FAM151B: variants seen among roughly 807,000 people sequenced by gnomAD.
FAM151B encodes protein FAM151B.
Under a neutral mutation model 31.2 loss-of-function variants are expected in FAM151B, and 24 were observed. That is an observed-to-expected ratio of 0.77 (90% confidence interval 0.56 to 1.08). The LOEUF (loss-of-function observed/expected upper bound fraction) is 1.08, where lower values mean the gene tolerates loss of function less well. FAM151B is among the 50% of genes least tolerant of loss of function. The probability of loss-of-function intolerance (pLI) is 0.00; values close to 1 mark genes in which losing one functional copy is unlikely to be tolerated. For missense variants in FAM151B, 293 were observed against 328.6 expected (o/e 0.89, Z 0.84); for synonymous variants, 105 against 111.4 (o/e 0.94, Z 0.36).
chr5:80,517,365 G>A lies in FAM151B; in HGVS notation c.318-2328G>A, dbSNP rs1744499948. Reference sequence around the variant, plus strand: ...TTGGAGGTCTTGGAACATATTCCCTGCAGATAAGGTGGACTACTGTAGATT... The same window carrying A: ...TTGGAGGTCTTGGAACATATTCCCTACAGATAAGGTGGACTACTGTAGATT... On this transcript the variant is annotated intron_variant, in intron 3 of 5. Transcript: ENST00000282226. 2.0e-5 allele frequency among the ~76,000 whole-genome samples: 3 copies of A among 152,166 alleles called. No homozygotes were observed. In the South Asian group the frequency reaches 6.2e-4, roughly 32 times the overall value.
At chr5:80,533,940 T>A (rs1745372054) in intron 5 of FAM151B, among the ~76,000 whole-genome samples, 1 of 151,988 alleles carries the variant, frequency 6.6e-6, no homozygotes, top group African/African-American at 2.4e-5. Context: ...CAATTGATAC[T>A]GTGGAAATCC....
chr5:80,542,135 T>A lies in FAM151B; in HGVS notation c.*303T>A. 1 of 267,174 alleles carries A rather than the reference T, an allele frequency of 3.7e-6. No individual in the cohort carries two copies. Among genetic ancestry groups the A allele is most frequent in the East Asian group, 9.6e-5 (1 of 10,434 alleles). The allele number at this position is 267,174 out of a possible 1,614,324, so 16.6% of individuals were successfully genotyped here. On this transcript the variant is annotated 3_prime_UTR_variant, in exon 6 of 6. Coordinates refer to ENST00000282226, the MANE Select transcript of FAM151B (RefSeq NM_205548.3). ...AACTAAAGATGATTGGCAGAATCCA[T>A]ATGTCATAAAACAGGTATAAATCAC... is the stretch of plus-strand genomic sequence containing the variant.
intron 5 of FAM151B, among the ~76,000 whole-genome samples, chr5:80,523,488 T>TG (rs770251532): frequency 1.3e-5 from 2 of 152,188 alleles, no homozygotes; most frequent in African/African-American, 2.4e-5. Flanking sequence ...GTCTTACTAA[T>TG]AGACGTTCAC....
At chr5:80,540,002 G>A (rs1745803703) in intron 5 of FAM151B, among the ~76,000 whole-genome samples, 1 of 152,020 alleles carries the variant, frequency 6.6e-6, no homozygotes. Flanking sequence ...GTACTCCAGA[G>A]GATACCGCCC....
intron 5 of FAM151B, among the ~76,000 whole-genome samples, chr5:80,535,922 A>G (rs970518490): frequency 2.6e-5 from 4 of 152,234 alleles, no homozygotes; most frequent in African/African-American, 9.6e-5. Flanking sequence ...TAAAATGGGC[A>G]AAAGATTTGA....
chr5:80,516,607 G>A (rs1215077908), intron 3 of FAM151B, among the ~76,000 whole-genome samples: 1 of 152,106 alleles, frequency 6.6e-6, no homozygotes, highest in Non-Finnish European at 1.5e-5. Flanking sequence ...ATACCACCAA[G>A]GAGCAATTTT....
In FAM151B at chr5:80,522,078, G is replaced by C; in HGVS notation, c.611G>C (p.Arg204Thr). 6.2e-7 allele frequency: 1 copy of C among 1,613,232 alleles called. No individual in the cohort carries two copies. Among genetic ancestry groups the C allele is most frequent in the Non-Finnish European group, 8.5e-7 (1 of 1,179,368 alleles). ...ELSQPVTFPV[R>T]AALVRQSCSQ... is the part of the protein sequence containing the mutation. Reference sequence around the variant, plus strand: ...AGTCAGCCTGTAACGTTCCCTGTCAGAGCAGCATTAGTCAGGCAGTCTTGT... The same window carrying C: ...AGTCAGCCTGTAACGTTCCCTGTCACAGCAGCATTAGTCAGGCAGTCTTGT... Residue 204 changes from arginine to threonine, a missense_variant, in exon 5 of 6, where the codon AGA becomes ACA. Transcript: ENST00000282226.
At chr5:80,495,084 G>A (rs753972079) in intron 1 of FAM151B, 5 of 152,264 alleles carry the variant, frequency 3.3e-5, no homozygotes, top group Non-Finnish European at 1.5e-5. Context: ...ATGACAGCAC[G>A]TCTGTTTACA....
At chr5:80,538,392 C>CTT (rs1175496086) in intron 5 of FAM151B, among the ~76,000 whole-genome samples, 3 of 49,298 alleles carry the variant, frequency 6.1e-5, no homozygotes, top group African/African-American at 3.3e-4. Context: ...TTCTTTCTTT[C>CTT]TTTCTTTCTT....
rs751982375 is a variant in FAM151B at position 80,491,365 on chromosome 5, AC to A, written c.25+3219del. Among the ~76,000 whole-genome samples, 9 of 152,054 alleles carry A rather than the reference AC, an allele frequency of 5.9e-5. No individual in the cohort carries two copies. The East Asian group carries it at 1.2e-3, about 20-fold the overall frequency. Reference sequence around the variant, plus strand: ...TGAATAGCAGGGACTACAGGCACACACCACCATGCCTGGGTTATTATTATTG... The same window carrying A: ...TGAATAGCAGGGACTACAGGCACACACACCATGCCTGGGTTATTATTATTG... On this transcript the variant is annotated intron_variant, in intron 1 of 5. Transcript: ENST00000282226.
At chr5:80,500,378 A>G (rs1477095566) in intron 1 of FAM151B, 8 of 1,224,702 alleles carry the variant, frequency 6.5e-6, no homozygotes, top group Non-Finnish European at 9.5e-6. Flanking sequence ...TGTGCCAGAA[A>G]CCCTTAAGAA....
intron 1 of FAM151B, among the ~76,000 whole-genome samples, chr5:80,499,669 A>G (rs11952983): frequency 0.06 from 9,113 of 151,866 alleles, 515 homozygotes; most frequent in African/African-American, 0.15. Flanking sequence ...CTGCATTCTT[A>G]TGCTTCTGAT....
At chr5:80,500,496 A>G in intron 1 of FAM151B, 1 of 775,878 alleles carries the variant, frequency 1.3e-6, no homozygotes, top group South Asian at 1.4e-5. Flanking sequence ...AAAGCAAAAC[A>G]CTGTCACAAG....
At chr5:80,496,170 T>C (rs1743529858) in intron 1 of FAM151B, among the ~76,000 whole-genome samples, 1 of 152,322 alleles carries the variant, frequency 6.6e-6, no homozygotes, top group East Asian at 1.9e-4. Flanking sequence ...GAGAGATCTT[T>C]CATGAAAGGA....
intron 1 of FAM151B, among the ~76,000 whole-genome samples, chr5:80,491,618 C>T (rs1743334561): frequency 6.6e-6 from 1 of 152,158 alleles, no homozygotes; most frequent in South Asian, 2.1e-4. Flanking sequence ...ACATATCCCC[C>T]TCCCATCCAA....
At chr5:80,538,448 C>CTCTTTCTTTGTT (rs1745661737) in intron 5 of FAM151B, among the ~76,000 whole-genome samples, 5 of 49,348 alleles carry the variant, frequency 1.0e-4, no homozygotes, top group African/African-American at 3.9e-4. Context: ...TTCTTTCTTT[C>CTCTTTCTTTGTT]TCTTTCTTTC....
chr5:80,521,080 G>A (rs191108915), intron 4 of FAM151B, among the ~76,000 whole-genome samples: 89 of 141,146 alleles, frequency 6.3e-4, no homozygotes, highest in African/African-American at 2.3e-3. Context: ...GCCTCCCAAA[G>A]TGCTGGGATT....
chr5:80,499,245 A>T lies in FAM151B; in HGVS notation c.26-2547A>T, dbSNP rs369212951. Reference sequence around the variant, plus strand: ...TAGTATGGAATAGATCTGGGTTCAGATATTTTTGCTACCACTTACCTTAGT... The same window carrying T: ...TAGTATGGAATAGATCTGGGTTCAGTTATTTTTGCTACCACTTACCTTAGT... On this transcript the variant is annotated intron_variant, in intron 1 of 5. Transcript: ENST00000282226. Among the ~76,000 whole-genome samples the T allele has an allele frequency of 3.3e-5, 5 of 152,308 alleles. No individual in the cohort carries two copies. The East Asian group carries it at 9.6e-4, about 29-fold the overall frequency.
At chr5:80,505,495 C>T (rs1743918732) in intron 2 of FAM151B, among the ~76,000 whole-genome samples, 1 of 150,414 alleles carries the variant, frequency 6.6e-6, no homozygotes, top group Non-Finnish European at 1.5e-5. Flanking sequence ...CCTGGGTTCA[C>T]ACCATTCTCC....
Sources: gnomAD v4.1 joint callset for allele counts (sites outside exome capture counted in the v4.1 genomes callset) on GRCh38, gnomAD v4.1.1 for gene constraint, MANE v1.5 for transcripts, NCBI Gene and HGNC (gene_info 2026-07-23, HGNC 2026-07-21) for gene names.